Variants in CCDC7 observed in about 807,000 individuals in gnomAD.
The protein encoded by CCDC7 is coiled-coil domain-containing protein 7.
In CCDC7, 183 loss-of-function variants were observed where a neutral mutation model predicts 196.9. That is an observed-to-expected ratio of 0.93 (90% CI 0.82 to 1.05). CCDC7 has a LOEUF of 1.05. Among genes scored for constraint, CCDC7 ranks in the 50% least tolerant of loss-of-function variants. The pLI is 0.00. For synonymous variants in CCDC7, 525 were observed against 484.6 expected, an observed-to-expected ratio of 1.08 and a Z score of -1.10; for missense variants, 1,540 against 1,482.2, an observed-to-expected ratio of 1.04 and a Z score of -0.64.
chr10:32,453,404 G>A, exon 2 of CCDC7: 1 of 1,552,714 alleles, frequency 6.4e-7, no homozygotes. Context: ...AGAACCATTT[G>A]TAAAGCATGA....
chr10:32,703,960 A>G (rs2079229141), intron 24 of CCDC7, among the ~76,000 whole-genome samples: 1 of 151,900 alleles, frequency 6.6e-6, no homozygotes, highest in Non-Finnish European at 1.5e-5. Flanking sequence ...ATGGGTTAGA[A>G]CTTCCTCCTT....
intron 20 of CCDC7, among the ~76,000 whole-genome samples, chr10:32,636,779 T>C (rs550850461): frequency 6.6e-6 from 1 of 152,342 alleles, no homozygotes; most frequent in South Asian, 2.1e-4. Flanking sequence ...GTATTTCTAG[T>C]TCCAGATCCC....
At chr10:32,539,786 G>T (rs2051105640) in intron 11 of CCDC7, among the ~76,000 whole-genome samples, 1 of 150,672 alleles carries the variant, frequency 6.6e-6, no homozygotes, top group African/African-American at 2.5e-5. Flanking sequence ...TGTCATTCAG[G>T]AGGAGGTTGT....
chr10:32,640,548 A>G (rs1290645401), intron 20 of CCDC7, among the ~76,000 whole-genome samples: 1 of 152,128 alleles, frequency 6.6e-6, no homozygotes, highest in Non-Finnish European at 1.5e-5. Flanking sequence ...TTATCCTGTC[A>G]TTATGATGTT....
At chr10:32,726,743 A>G (rs143348207) in exon 26 of CCDC7, 1 of 1,584,326 alleles carries the variant, frequency 6.3e-7, no homozygotes, top group South Asian at 1.1e-5. Context: ...GTACCAGATA[A>G]AAATTCTATG....
chr10:32,447,889 G>A (rs1393541533), upstream of CCDC7, among the ~76,000 whole-genome samples: 1 of 152,062 alleles, frequency 6.6e-6, no homozygotes, highest in Non-Finnish European at 1.5e-5. Flanking sequence ...CGACAAGAGC[G>A]AAACTCTGTC....
intron 18 of CCDC7, among the ~76,000 whole-genome samples, chr10:32,613,170 A>T (rs1251546584): frequency 6.6e-6 from 1 of 151,942 alleles, no homozygotes; most frequent in African/African-American, 2.4e-5. Flanking sequence ...GTGTCCAGGA[A>T]TTTATCCATT....
At chr10:32,479,032 T>A (rs919836067) in intron 8 of CCDC7, among the ~76,000 whole-genome samples, 1 of 152,168 alleles carries the variant, frequency 6.6e-6, no homozygotes. Context: ...TTTGGTAGAT[T>A]GTGAGTTTCC....
chr10:32,810,221 A>G (rs1043905655), intron 30 of CCDC7, among the ~76,000 whole-genome samples: 2 of 152,134 alleles, frequency 1.3e-5, no homozygotes, highest in Non-Finnish European at 2.9e-5. Context: ...TAAACAGAAA[A>G]TGGCTGAATG....
intron 18 of CCDC7, among the ~76,000 whole-genome samples, chr10:32,633,698 G>C (rs1759667): frequency 8.8e-6 from 1 of 113,622 alleles, no homozygotes; most frequent in South Asian, 3.0e-4. Context: ...ATATATATAT[G>C]TGTGTGTGTG....
chr10:32,553,686 C>G (rs1411677748), intron 13 of CCDC7, among the ~76,000 whole-genome samples: 2 of 152,154 alleles, frequency 1.3e-5, no homozygotes, highest in Non-Finnish European at 2.9e-5. Context: ...TGTTGTCTCT[C>G]TTCTGGGTCT....
chr10:32,870,805 G>A (rs1016056549), intron 41 of CCDC7, among the ~76,000 whole-genome samples: 15 of 152,114 alleles, frequency 9.9e-5, no homozygotes, highest in African/African-American at 3.6e-4. Context: ...TTAGCATGAC[G>A]AGTTGTTGAA....
intron 11 of CCDC7, among the ~76,000 whole-genome samples, chr10:32,527,684 C>G (rs1213298380): frequency 6.6e-6 from 1 of 152,108 alleles, no homozygotes; most frequent in Non-Finnish European, 1.5e-5. Flanking sequence ...CATAATGATG[C>G]AGATGTGCGA....
At chr10:32,597,859 C>T (rs1006754434) in intron 18 of CCDC7, among the ~76,000 whole-genome samples, 3 of 152,214 alleles carry the variant, frequency 2.0e-5, no homozygotes, top group African/African-American at 7.2e-5. Context: ...AATCCTTCCT[C>T]TGGAAGCTTC....
At chr10:32,573,949 G>A (rs2057889033) in intron 16 of CCDC7, among the ~76,000 whole-genome samples, 1 of 152,162 alleles carries the variant, frequency 6.6e-6, no homozygotes, top group African/African-American at 2.4e-5. Context: ...ACAAAAATAA[G>A]TGAAGTATAA....
chr10:32,852,792 A>G (rs1057115671), intron 40 of CCDC7, among the ~76,000 whole-genome samples: 2 of 152,196 alleles, frequency 1.3e-5, no homozygotes, highest in Non-Finnish European at 2.9e-5. Context: ...AACAGTAAAA[A>G]GATATTTGGG....
chr10:32,495,334 G>T (rs1436378159), intron 9 of CCDC7, among the ~76,000 whole-genome samples: 5 of 152,128 alleles, frequency 3.3e-5, no homozygotes, highest in African/African-American at 1.2e-4. Flanking sequence ...CTCCCATTCT[G>T]TAGGTTACCT....
At chr10:32,779,035 C>T in exon 29 of CCDC7, 2 of 1,550,156 alleles carry the variant, frequency 1.3e-6, no homozygotes, top group South Asian at 2.4e-5. Flanking sequence ...CAGCAATGTA[C>T]CCGTCAATTA....
intron 28 of CCDC7, among the ~76,000 whole-genome samples, chr10:32,731,838 G>C (rs1403125084): frequency 6.6e-6 from 1 of 152,196 alleles, no homozygotes; most frequent in African/African-American, 2.4e-5. Flanking sequence ...CTGATCACAA[G>C]TTCAGGAGAT....
Sources: gnomAD v4.1 joint callset for allele counts (sites outside exome capture counted in the v4.1 genomes callset) on GRCh38, gnomAD v4.1.1 for gene constraint, MANE v1.5 for transcripts, NCBI Gene and HGNC (gene_info 2026-07-23, HGNC 2026-07-21) for gene names.